Variants in B9D1 observed in about 807,000 individuals in gnomAD.
B9D1 encodes the protein B9 domain containing 1.
B9D1 carries 20 observed loss-of-function variants against 26.1 expected under a neutral mutation model. The observed-to-expected ratio is 0.77, with a 90% CI of 0.54 to 1.12. B9D1 has a LOEUF of 1.12. Ranked by LOEUF, B9D1 falls within the 50% of genes most tolerant of loss-of-function variation. B9D1 has a pLI of 0.00. For synonymous variants in B9D1, 105 were observed against 103.1 expected (o/e 1.02, Z -0.11); for missense variants, 260 against 273.7 (o/e 0.95, Z 0.35).
downstream of B9D1, chr17:19,335,594 C>G: frequency 3.3e-6 from 3 of 896,122 alleles, no homozygotes; most frequent in Non-Finnish European, 4.9e-6. Flanking sequence ...GGTCCCTGGG[C>G]AACAGTCCCT....
At chr17:19,337,628 AAC>A (rs1907553981), downstream of B9D1, 3 of 1,258,660 alleles carry the variant, frequency 2.4e-6, no homozygotes, top group Non-Finnish European at 3.3e-6. Flanking sequence ...ACGCTGCAGT[AAC>A]ACATCTCCAG....
chr17:19,342,126 CCGCA>C (rs1908036286), downstream of B9D1, among the ~76,000 whole-genome samples: 1 of 152,142 alleles, frequency 6.6e-6, no homozygotes, highest in Non-Finnish European at 1.5e-5. Context: ...TCTAGGCTCA[CCGCA>C]CATGGGGAGT....
chr17:19,356,378 C>A (rs1457052092), intron 3 of B9D1, among the ~76,000 whole-genome samples: 1 of 152,208 alleles, frequency 6.6e-6, no homozygotes, highest in Non-Finnish European at 1.5e-5. Flanking sequence ...AGGCATGAGC[C>A]ACCATGCCCA....
In B9D1 at chr17:19,348,063, C is replaced by G. The variant is rs11869088; in HGVS notation, c.245-183G>C. Among the ~76,000 whole-genome samples, 11,116 of 152,184 alleles carry G rather than the reference C, an allele frequency of 0.073. 1,405 individuals carry two copies. The highest frequency in any genetic ancestry group is 0.25 in the African/African-American group (10,498 of 41,470). On this transcript the variant is annotated intron_variant, in intron 3 of 6. Coordinates refer to ENST00000261499, the MANE Select transcript of B9D1 (RefSeq NM_015681.6). ...GACTGTGCCAAAGACTTCTGCCCAC[C>G]CTGGTACTTCCTGTGTCTCCACTGA...
Position 19,343,420 on chromosome 17 carries a change from T to A in B9D1, c.514A>T (p.Asn172Tyr). The change falls in exon 7 of 7, where the codon AAC becomes TAC. Residue 172 changes from asparagine (N) to tyrosine (Y), a missense_variant. Physicochemically the swap from Asn to Tyr is moderately radical, Grantham distance 143. Transcript: ENST00000261499. The part of the protein sequence containing the change: ...RSQGFVTLLF[N>Y]VVTKDMRKLG... ...TTCCTCATGTCCTTGGTCACCACGT[T>A]GAAGAGGAGGGTGACAAAGCCCTGA... 6.2e-7 allele frequency: 1 copy of A among 1,614,068 alleles called. No homozygotes were observed. Among genetic ancestry groups the A allele is most frequent in the Non-Finnish European group, 8.5e-7 (1 of 1,179,986 alleles).
At chr17:19,369,706 G>A (rs1010291417) in intron 1 of B9D1, among the ~76,000 whole-genome samples, 3 of 152,106 alleles carry the variant, frequency 2.0e-5, no homozygotes, top group Non-Finnish European at 4.4e-5. Flanking sequence ...TGCACTACTC[G>A]GGACATACCT....
At chr17:19,338,385 G>A (rs935884962), downstream of B9D1, among the ~76,000 whole-genome samples, 6 of 152,244 alleles carry the variant, frequency 3.9e-5, no homozygotes, top group Non-Finnish European at 8.8e-5. Flanking sequence ...TCCAGGCCAG[G>A]ACCTGTTTTG....
chr17:19,344,475 G>A, intron 5 of B9D1: 1 of 272,330 alleles, frequency 3.7e-6, no homozygotes, highest in Non-Finnish European at 7.5e-6. Context: ...GGGCCAGGCG[G>A]GAGGCCAGGA....
At chr17:19,355,347 G>A (rs1236750305) in intron 3 of B9D1, among the ~76,000 whole-genome samples, 2 of 152,136 alleles carry the variant, frequency 1.3e-5, no homozygotes, top group African/African-American at 2.4e-5. Flanking sequence ...GGCCAACATG[G>A]TGAAACCCTG....
chr17:19,362,445 T>G (rs1313307918), intron 1 of B9D1, 62 bp downstream of exon 1: 13 of 1,304,304 alleles, frequency 1.0e-5, no homozygotes, highest in African/African-American at 1.5e-5. Flanking sequence ...GCCCGGGGGG[T>G]TGCGGGAAGG....
chr17:19,366,806 T>C (rs1911613994), upstream of B9D1, among the ~76,000 whole-genome samples: 1 of 152,174 alleles, frequency 6.6e-6, no homozygotes, highest in Non-Finnish European at 1.5e-5. Context: ...TCAATACCCT[T>C]TGTGGCCTGT....
At chr17:19,364,011 G>A (rs1468680533), upstream of B9D1, among the ~76,000 whole-genome samples, 2 of 152,120 alleles carry the variant, frequency 1.3e-5, no homozygotes, top group Admixed American at 6.5e-5. This position sits in a 1 kb window ranked among gnomAD's most constrained non-coding sequence, Gnocchi z 4.3. Flanking sequence ...TTCTTCCCCC[G>A]CTCTGTCCAT....
At chr17:19,376,306 A>T (rs1483193897) in intron 1 of B9D1, among the ~76,000 whole-genome samples, 2 of 152,122 alleles carry the variant, frequency 1.3e-5, no homozygotes, top group Admixed American at 1.3e-4. Flanking sequence ...TGGCCAGCAC[A>T]CCCTAAAATT....
chr17:19,340,033 ACCCCCC>A (rs56279237), downstream of B9D1, among the ~76,000 whole-genome samples: 5 of 110,578 alleles, frequency 4.5e-5, no homozygotes, highest in Middle Eastern at 5.0e-3. Context: ...CACATGCCCA[ACCCCCC>A]CCCCCCCCCG....
intron 3 of B9D1, among the ~76,000 whole-genome samples, chr17:19,349,882 T>G (rs1212522825): frequency 6.6e-6 from 1 of 152,208 alleles, no homozygotes; most frequent in Non-Finnish European, 1.5e-5. Flanking sequence ...ATGCTACATA[T>G]CCATCTGAAA....
At chr17:19,376,787 C>CAAATAAAATAAAATAAAATA (rs150015643) in intron 1 of B9D1, among the ~76,000 whole-genome samples, 14 of 134,772 alleles carry the variant, frequency 1.0e-4, no homozygotes, top group African/African-American at 3.8e-4. Flanking sequence ...ACTCACTCTT[C>CAAATAAAATAAAATAAAATA]AAATAAAATA....
downstream of B9D1, chr17:19,337,426 C>T (rs763889990): frequency 6.2e-5 from 21 of 337,462 alleles, no homozygotes; most frequent in African/African-American, 3.9e-4. Context: ...GGCCTTGAGA[C>T]GAGCCTGGAG....
In B9D1 at chr17:19,350,840, T is replaced by C. The variant is rs117473219; in HGVS notation, c.245-2960A>G. ...ATTTATGGGGATGATCATGATTTTTTTTTTCTTTTTTTTTTTGAGATGGAG... is the reference window on the plus strand; with the variant it reads ...ATTTATGGGGATGATCATGATTTTTCTTTTCTTTTTTTTTTTGAGATGGAG... On this transcript the variant is annotated intron_variant, in intron 3 of 6. Coordinates refer to ENST00000261499, the MANE Select transcript of B9D1 (RefSeq NM_015681.6). 6.5e-3 allele frequency among the ~76,000 whole-genome samples: 987 copies of C among 152,068 alleles called. 53 individuals carry two copies. In the East Asian group the frequency reaches 0.12, roughly 18 times the overall value.
At chr17:19,365,156 C>T (rs1369976005), upstream of B9D1, among the ~76,000 whole-genome samples, 3 of 152,254 alleles carry the variant, frequency 2.0e-5, no homozygotes, top group African/African-American at 7.2e-5. This position sits in a 1 kb window ranked among gnomAD's most constrained non-coding sequence, Gnocchi z 5.0. Flanking sequence ...TGGTGAGCGA[C>T]GGAGGCCTTG....
Sources: gnomAD v4.1 joint callset for allele counts (sites outside exome capture counted in the v4.1 genomes callset) on GRCh38, gnomAD v4.1.1 for gene constraint, Gnocchi (gnomAD v3.1) non-coding constraint, MANE v1.5 for transcripts, NCBI Gene and HGNC (gene_info 2026-07-23, HGNC 2026-07-21) for gene names.